GOLGA3: variants seen among roughly 807,000 people sequenced by gnomAD.
GOLGA3 encodes the protein golgin A3.
A neutral mutation model predicts 169.4 loss-of-function variants in GOLGA3; 75 were observed. The ratio of observed to expected loss-of-function variants is 0.44; its 90% CI spans 0.37 to 0.54. The LOEUF is 0.54. Among genes scored for constraint, GOLGA3 ranks in the 20% least tolerant of loss-of-function variants. The probability of loss-of-function intolerance (pLI) is 0.00; values close to 1 mark genes in which losing one functional copy is unlikely to be tolerated. For missense variants in GOLGA3, 1,899 were observed against 1,930.0 expected (o/e 0.98, Z 0.30); for synonymous variants, 824 against 822.4 (o/e 1.00, Z -0.03).
chr12:132,789,342 C>G (rs750276933), intron 12 of GOLGA3, 52 bp from the exon 13 acceptor site: 1 of 1,477,104 alleles, frequency 6.8e-7, no homozygotes, highest in Non-Finnish European at 9.0e-7. Flanking sequence ...GCGTGGGGGG[C>G]GTACCTGGGG....
chr12:132,790,051 G>A (rs1347544305), intron 12 of GOLGA3, among the ~76,000 whole-genome samples: 1 of 151,934 alleles, frequency 6.6e-6, no homozygotes, highest in Non-Finnish European at 1.5e-5. Context: ...TAAATTACAG[G>A]CCGGGCGTGG....
chr12:132,827,725 T>G (rs1950482075), intron 1 of GOLGA3: 1 of 152,122 alleles, frequency 6.6e-6, no homozygotes, highest in Non-Finnish European at 1.5e-5. Context: ...TGAAAAGATA[T>G]TAAAGGGTTA....
At chr12:132,781,909 TCAACTAAGCAGGTCTGCCCCC>T (rs1226820980) in intron 17 of GOLGA3, among the ~76,000 whole-genome samples, 1,750 of 152,062 alleles carry the variant, frequency 0.012, 37 homozygotes, top group African/African-American at 0.038. Flanking sequence ...GGTCTACCCC[TCAACTAAGCAGGTCTGCCCCC>T]CAACTAAGCA....
chr12:132,786,117 G>A (rs566310166), intron 15 of GOLGA3, among the ~76,000 whole-genome samples: 1 of 152,132 alleles, frequency 6.6e-6, no homozygotes, highest in East Asian at 1.9e-4. Context: ...TCAGGTGAAC[G>A]CCACAGGCCA....
rs991038315 is a variant in GOLGA3, at chr12:132,801,844, G to A, written c.1723C>T (p.Arg575Trp). 5.6e-6 allele frequency: 9 copies of A among 1,608,354 alleles called. No homozygotes were observed. In the Admixed American group the frequency reaches 1.0e-4, roughly 18 times the overall value. Residue 575 changes from arginine to tryptophan, a missense_variant, in exon 8 of 24, where the codon CGG (arginine) becomes TGG (tryptophan). Coordinates refer to ENST00000450791, the MANE Select transcript of GOLGA3 (RefSeq NM_001389683.1). ...QAEISSLQSV[R>W]QWYQQQLALA... Reference sequence around the variant, plus strand: ...GCGAGCTGCTGCTGGTACCACTGCCGGACACTCTGCAGGGACGAGATCTCC... The same window carrying A: ...GCGAGCTGCTGCTGGTACCACTGCCAGACACTCTGCAGGGACGAGATCTCC...
At position 132,786,363 on chromosome 12, in the gene GOLGA3, G is replaced by A; in HGVS notation, c.3099C>T (p.Ser1033=). Residue 1033 remains serine, a synonymous_variant, in exon 15 of 24, where the codon AGC becomes AGT. Coordinates refer to ENST00000450791, the MANE Select transcript of GOLGA3 (RefSeq NM_001389683.1). ...ELGQLRAQGG[S]SDSSLALHER... is the part of the protein sequence containing the mutation. The stretch of plus-strand genomic sequence containing the variant: ...CATGTAGAGCCAGGCTGCTGTCACT[G>A]CTGCCACCCTGGGCTCGGAGCTGGC... The A allele has an allele frequency of 4.4e-6, 7 of 1,606,312 alleles. No individual in the cohort carries two copies. The highest frequency in any genetic ancestry group is 6.0e-6 in the Non-Finnish European group (7 of 1,175,504).
At position 132,777,591 on chromosome 12, in the gene GOLGA3, G is replaced by A; in HGVS notation, c.3722+75C>T. 1 of 1,527,406 alleles carries A rather than the reference G, an allele frequency of 6.5e-7. No homozygotes were observed. The highest frequency in any genetic ancestry group is 9.0e-7 in the Non-Finnish European group (1 of 1,112,528). 94.6% of individuals were successfully genotyped at this position (1,527,406 alleles called of 1,614,324 possible). ...GCAAAATATAGATGACCCTCGCTGT[G>A]CTGAAGGTGTGAATTAGACCCCGCC... On this transcript the variant is annotated intron_variant, in intron 19 of 23. Coordinates refer to ENST00000450791, the MANE Select transcript of GOLGA3 (RefSeq NM_001389683.1). The surrounding 1 kb of genome is among the most constrained non-coding windows in gnomAD (Gnocchi z 4.7).
chr12:132,772,865 G>T lies in GOLGA3; in HGVS notation c.*240C>A. 2.3e-6 allele frequency: 1 copy of T among 440,284 alleles called. No individual in the cohort carries two copies. Among genetic ancestry groups the T allele is most frequent in the Non-Finnish European group, 4.1e-6 (1 of 244,316 alleles). The allele number at this position is 440,284 out of a possible 1,614,324, so 27.3% of individuals were successfully genotyped here. On this transcript the variant is annotated 3_prime_UTR_variant, in exon 24 of 24. Transcript: ENST00000450791. ...AAGTAACCCTTCAGACACGTTCAAA[G>T]CTCCTCGCCGAGAGCCTATCAGGCT...
At chr12:132,828,875 G>C (rs1030470762), upstream of GOLGA3, 1 of 152,300 alleles carries the variant, frequency 6.6e-6, no homozygotes, top group Non-Finnish European at 1.5e-5. Flanking sequence ...GAGAGGGGCG[G>C]GGCGAGCGGT....
At position 132,784,154 on chromosome 12, in the gene GOLGA3, C is replaced by G. The variant is rs376550504; in HGVS notation, c.3267+10G>C. ...CCACGCTGCCGCCACAGCAGATGGC[C>G]AGGCCTCACCTCGTCCTCCAGCTCC... On this transcript the variant is annotated intron_variant, in intron 16 of 23. Transcript: ENST00000450791. 82 of 1,605,666 alleles carry G rather than the reference C, an allele frequency of 5.1e-5. No homozygotes were observed. Among genetic ancestry groups the G allele is most frequent in the Non-Finnish European group, 6.9e-5 (82 of 1,179,896 alleles).
chr12:132,822,146 C>A lies in GOLGA3; in HGVS notation c.-18G>T, dbSNP rs765919118. ...CCGTCCATGGTCAGGACGACACCAG[C>A]TGAGCTGACGCTGAGGGGCTACAAG... is the stretch of plus-strand genomic sequence containing the variant. On this transcript the variant is annotated 5_prime_UTR_variant, in exon 2 of 24. Transcript: ENST00000450791. 3.8e-6 allele frequency: 6 copies of A among 1,592,436 alleles called. No individual in the cohort carries two copies. The highest frequency in any genetic ancestry group is 5.1e-6 in the Non-Finnish European group (6 of 1,172,076).
rs528126914 is a variant in GOLGA3, at chr12:132,821,698, C to T, written c.133+298G>A. ...TGAAACCCCGTCTCTACTAAAAATA[C>T]AAAAAATTAGCCGGGCGCGGTGGCG... On this transcript the variant is annotated intron_variant, in intron 2 of 23. Coordinates refer to ENST00000450791, the MANE Select transcript of GOLGA3 (RefSeq NM_001389683.1). Among the ~76,000 whole-genome samples, 5 of 150,978 alleles carry T rather than the reference C, an allele frequency of 3.3e-5. No homozygotes were observed. The East Asian group carries it at 7.9e-4, about 24-fold the overall frequency.
At chr12:132,819,678 C>T (rs187830780) in intron 2 of GOLGA3, among the ~76,000 whole-genome samples, 4 of 152,340 alleles carry the variant, frequency 2.6e-5, no homozygotes, top group Admixed American at 6.5e-5. Context: ...CGCACTGAGA[C>T]GCCTTTCATG....
intron 1 of GOLGA3, among the ~76,000 whole-genome samples, chr12:132,826,462 G>A (rs182721309): frequency 6.6e-6 from 1 of 151,812 alleles, no homozygotes; most frequent in Non-Finnish European, 1.5e-5. Context: ...CACAGCCAAA[G>A]ACGCTCAGGT....
At chr12:132,796,442 C>T in intron 10 of GOLGA3, 97 bp downstream of exon 10, 1 of 1,388,856 alleles carries the variant, frequency 7.2e-7, no homozygotes, top group Non-Finnish European at 9.7e-7. Context: ...CGGACGTGGC[C>T]CCACAGCAGA....
At chr12:132,798,294 C>A in intron 9 of GOLGA3, 46 bp downstream of exon 9, 1 of 1,555,606 alleles carries the variant, frequency 6.4e-7, no homozygotes, top group South Asian at 1.2e-5. Context: ...GTATCGATGT[C>A]TGCGTCTGTT....
chr12:132,794,955 G>A (rs2873290), intron 11 of GOLGA3, among the ~76,000 whole-genome samples: 30,943 of 152,100 alleles, frequency 0.2, 4,042 homozygotes, highest in Non-Finnish European at 0.3. Context: ...TCGGGAGGCC[G>A]AGGTGAGCAG....
rs545350864 is a variant in GOLGA3 at position 132,771,838 on chromosome 12, CT to C, written c.*1266del. ...CCGCGGGAGTCGCTGCAGGGAGCCC[CT>C]GGTCTGCTCTCCTCCTCCTCCTCCA... is the stretch of plus-strand genomic sequence containing the variant. On this transcript the variant is annotated 3_prime_UTR_variant, in exon 24 of 24. Coordinates refer to ENST00000450791, the MANE Select transcript of GOLGA3 (RefSeq NM_001389683.1). 43 of 149,872 alleles carry C rather than the reference CT, an allele frequency of 2.9e-4. No homozygotes were observed. The South Asian group carries it at 6.7e-3, about 23-fold the overall frequency. 9.3% of individuals were successfully genotyped at this position (149,872 alleles called of 1,614,324 possible). A position where few individuals can be genotyped will look rare whatever the true frequency, so the allele number is the denominator to read the frequency against.
Position 132,789,013 on chromosome 12 carries a change from C to T in GOLGA3, c.2811+14G>A, listed in dbSNP as rs758523371. 28 of 1,540,320 alleles carry T rather than the reference C, an allele frequency of 1.8e-5. No individual in the cohort carries two copies. The highest frequency in any genetic ancestry group is 5.0e-5 in the South Asian group (4 of 79,778). ...ATCCTCCCCATCAAATGAGTCAACC[C>T]GACACGGACAGACCTGCAAGTGTGT... On this transcript the variant is annotated intron_variant, in intron 13 of 23. Coordinates refer to ENST00000450791, the MANE Select transcript of GOLGA3 (RefSeq NM_001389683.1).
Sources: gnomAD v4.1 joint callset for allele counts (sites outside exome capture counted in the v4.1 genomes callset) on GRCh38, gnomAD v4.1.1 for gene constraint, Gnocchi (gnomAD v3.1) non-coding constraint, MANE v1.5 for transcripts, NCBI Gene and HGNC (gene_info 2026-07-23, HGNC 2026-07-21) for gene names.